C4BPB: variants seen among roughly 807,000 people sequenced by gnomAD.
C4BPB encodes the protein C4b-binding protein beta chain.
C4BPB carries 19 observed loss-of-function variants against 26.6 expected under a neutral mutation model. That is an observed-to-expected ratio of 0.71 (90% CI 0.50 to 1.05). The LOEUF (loss-of-function observed/expected upper bound fraction) is 1.05, where lower values mean the gene tolerates loss of function less well. C4BPB is among the 50% of genes least tolerant of loss of function. The probability of loss-of-function intolerance (pLI) is 0.00; values close to 1 mark genes in which losing one functional copy is unlikely to be tolerated. For synonymous variants in C4BPB, 118 were observed against 103.5 expected (o/e 1.14, Z -0.85); for missense variants, 282 against 302.9 (o/e 0.93, Z 0.51).
At chr1:207,089,705 T>A in intron 2 of C4BPB, 116 bp downstream of exon 2, 1 of 853,162 alleles carries the variant, frequency 1.2e-6, no homozygotes, top group Non-Finnish European at 1.9e-6. Context: ...TTTATTCTTC[T>A]ATTGAAAAAT....
intron 4 of C4BPB, chr1:207,095,751 G>A (rs983367526): frequency 6.1e-5 from 19 of 312,386 alleles, no homozygotes; most frequent in Non-Finnish European, 1.1e-4. Context: ...TGGATCATGC[G>A]GGTGGATTTC....
At position 207,093,670 on chromosome 1, in the gene C4BPB, T is replaced by C. The variant is rs1250426045; in HGVS notation, c.409+1850T>C. On this transcript the variant is annotated intron_variant, in intron 4 of 6. Coordinates refer to ENST00000367078, the MANE Select transcript of C4BPB (RefSeq NM_001017365.3). ...ATTATTAAATCATTAAAAGAAAACA[T>C]GAGATAATATATTTATTACATTGGG... is the stretch of plus-strand genomic sequence containing the variant. Among the ~76,000 whole-genome samples the C allele has an allele frequency of 2.0e-5, 3 of 152,002 alleles. No homozygotes were observed. The East Asian group carries it at 5.8e-4, about 29-fold the overall frequency.
In C4BPB at chr1:207,099,455, C is replaced by T. The variant is rs547233560; in HGVS notation, c.619-334C>T. Among the ~76,000 whole-genome samples, 7 of 152,226 alleles carry T rather than the reference C, an allele frequency of 4.6e-5. No homozygotes were observed. In the South Asian group the frequency reaches 1.5e-3, roughly 32 times the overall value. ...GTCTGTGGCCCTGGGGTTGGGGATC[C>T]CTGTTATAGAGCAAAGCACATAAGC... On this transcript the variant is annotated intron_variant, in intron 6 of 6. Coordinates refer to ENST00000367078, the MANE Select transcript of C4BPB (RefSeq NM_001017365.3).
At chr1:207,096,106 G>T (rs1684239665) in intron 4 of C4BPB, 2 of 229,200 alleles carry the variant, frequency 8.7e-6, no homozygotes, top group South Asian at 1.1e-4. Context: ...ATCCACAGGG[G>T]ATGTCAGCTT....
intron 4 of C4BPB, chr1:207,095,554 C>A (rs1418046554): frequency 2.5e-6 from 1 of 392,900 alleles, no homozygotes; most frequent in Admixed American, 2.9e-5. Flanking sequence ...GTCTCAAATT[C>A]CTGACCTCAG....
chr1:207,098,964 A>T (rs1558080844), intron 6 of C4BPB, among the ~76,000 whole-genome samples: 1 of 152,102 alleles, frequency 6.6e-6, no homozygotes, highest in Non-Finnish European at 1.5e-5. Context: ...TTAGAATCTC[A>T]TCTGGGAGTG....
At chr1:207,091,088 A>G (rs944734022) in intron 3 of C4BPB, among the ~76,000 whole-genome samples, 1 of 152,218 alleles carries the variant, frequency 6.6e-6, no homozygotes, top group East Asian at 1.9e-4. Flanking sequence ...TAATTAATCC[A>G]TATCCTATTT....
intron 4 of C4BPB, among the ~76,000 whole-genome samples, chr1:207,092,237 C>T (rs1684057636): frequency 1.3e-5 from 2 of 152,178 alleles, no homozygotes; most frequent in African/African-American, 2.4e-5. Flanking sequence ...ATTCATATCT[C>T]TCAGAGTTAG....
chr1:207,096,013 C>A (rs1316226624), intron 4 of C4BPB: 1 of 176,806 alleles, frequency 5.7e-6, no homozygotes, highest in East Asian at 1.8e-4. Flanking sequence ...AATTAAACCT[C>A]TTTTCTTTAT....
At chr1:207,093,240 C>T (rs1684110618) in intron 4 of C4BPB, among the ~76,000 whole-genome samples, 1 of 152,020 alleles carries the variant, frequency 6.6e-6, no homozygotes, top group Non-Finnish European at 1.5e-5. Flanking sequence ...CAGTGCAATG[C>T]CTCCCAGGAT....
At chr1:207,089,892 T>A (rs1572750826) in intron 2 of C4BPB, among the ~76,000 whole-genome samples, 1 of 152,312 alleles carries the variant, frequency 6.6e-6, no homozygotes, top group East Asian at 1.9e-4. Flanking sequence ...CCAGGATCGC[T>A]ATTTGTGTAG....
intron 4 of C4BPB, 112 bp downstream of exon 4, chr1:207,091,932 C>A: frequency 2.2e-6 from 2 of 888,982 alleles, no homozygotes; most frequent in African/African-American, 1.7e-5. Context: ...CAGAGACAGG[C>A]TTAAGATCTA....
intron 4 of C4BPB, 50 bp downstream of exon 4, chr1:207,091,870 C>A: frequency 2.0e-6 from 3 of 1,466,262 alleles, no homozygotes; most frequent in Non-Finnish European, 2.8e-6. Flanking sequence ...GATTAGTAGT[C>A]TAAACTTAGA....
In C4BPB at chr1:207,089,579, T is replaced by G. The variant is rs779025858; in HGVS notation, c.48T>G (p.Ser16=). ...ACCLMVAWRV[S]ASDAEHCPEL... ...GTCTTATGGTTGCGTGGCGAGTTTC[T>G]GCTTCAGATGGTACGTATGCTTTCC... The change falls in exon 2 of 7, where the codon TCT becomes TCG. Residue 16 remains serine (S), a synonymous_variant. Coordinates refer to ENST00000367078, the MANE Select transcript of C4BPB (RefSeq NM_001017365.3). 1 of 1,614,142 alleles carries G rather than the reference T, an allele frequency of 6.2e-7. No individual in the cohort carries two copies. The highest frequency in any genetic ancestry group is 1.7e-5 in the Admixed American group (1 of 60,022).
At chr1:207,092,743 T>C (rs1313482007) in intron 4 of C4BPB, among the ~76,000 whole-genome samples, 1 of 151,656 alleles carries the variant, frequency 6.6e-6, no homozygotes, top group Non-Finnish European at 1.5e-5. Context: ...TTCTGCTGCC[T>C]CAGCCTCCCG....
rs758656470 is a variant in C4BPB, at chr1:207,096,627, C to T, written c.503+12C>T. On this transcript the variant is annotated intron_variant, in intron 5 of 6. Coordinates refer to ENST00000367078, the MANE Select transcript of C4BPB (RefSeq NM_001017365.3). Reference sequence around the variant, plus strand: ...TACTGTGAAGACAGGTAAGTGAACACAGCCTGTCAAATGCCAGATCTTGCC... The same window carrying T: ...TACTGTGAAGACAGGTAAGTGAACATAGCCTGTCAAATGCCAGATCTTGCC... The T allele has an allele frequency of 6.9e-6, 10 of 1,459,150 alleles. No homozygotes were observed. The highest frequency in any genetic ancestry group is 9.5e-6 in the Non-Finnish European group (10 of 1,051,146). 90.4% of individuals were successfully genotyped at this position (1,459,150 alleles called of 1,614,324 possible). A position where few individuals can be genotyped will look rare whatever the true frequency, so the allele number is the denominator to read the frequency against.
exon 7 of C4BPB, chr1:207,099,981 CTTGGTTCTGAAA>C: frequency 6.5e-7 from 1 of 1,535,480 alleles, no homozygotes; most frequent in South Asian, 1.2e-5. Flanking sequence ...AAATTTTCTT[CTTGGTTCTGAAA>C]TTGGTTTCAG....
At chr1:207,095,247 A>G (rs763733464) in intron 4 of C4BPB, 8 of 455,986 alleles carry the variant, frequency 1.8e-5, no homozygotes, top group South Asian at 1.2e-4. Flanking sequence ...AGCCAGTATC[A>G]AGACTCACAA....
rs1274850410 is a variant in C4BPB, at chr1:207,090,404, G to A, written c.155G>A (p.Gly52Asp). The stretch of plus-strand genomic sequence containing the variant: ...CTGGGGACTTACGTTTGTATCAAGG[G>A]CTACCACCTGGTAGGAAAGAAGACC... ...QILGTYVCIK[G>D]YHLVGKKTLF... Residue 52 changes from glycine (G) to aspartate (D), a missense_variant, in exon 3 of 7, where the codon GGC becomes GAC. Physicochemically the swap from Gly to Asp is moderately conservative, Grantham distance 94 (BLOSUM62 -1). Coordinates refer to ENST00000367078, the MANE Select transcript of C4BPB (RefSeq NM_001017365.3). 6.2e-7 allele frequency: 1 copy of A among 1,613,986 alleles called. No homozygotes were observed.
Sources: allele counts gnomAD v4.1 joint callset (sites outside exome capture counted in the v4.1 genomes callset), GRCh38; gene constraint gnomAD v4.1.1; transcripts MANE v1.5; gene names NCBI Gene and HGNC (gene_info 2026-07-23, HGNC 2026-07-21).